The following LRP6 variants were observed in gnomAD, a reference collection of about 807,000 sequenced individuals.
The protein encoded by LRP6 is LDL receptor related protein 6.
LRP6 carries 43 observed loss-of-function variants against 184.1 expected under a neutral mutation model. The ratio of observed to expected loss-of-function variants is 0.23; its 90% CI spans 0.18 to 0.30. LRP6 has a LOEUF of 0.30. Ranked by LOEUF, LRP6 falls within the 10% of genes least tolerant of loss-of-function variation. The probability of loss-of-function intolerance (pLI) is 1.00; values close to 1 mark genes in which losing one functional copy is unlikely to be tolerated. For synonymous variants in LRP6, 719 were observed against 684.9 expected (o/e 1.05, Z -0.78); for missense variants, 1,571 against 2,005.3 (o/e 0.78, Z 4.14).
In LRP6 at chr12:12,267,039, G is replaced by C. The variant is rs765627073; in HGVS notation, c.-304C>G. ...GCCTCTGCCTCGCGCAGCGGCGCAG[G>C]GATACGGTCGGCACCGCCTCCTAGG... On this transcript the variant is annotated 5_prime_UTR_variant, in exon 1 of 23. Transcript: ENST00000261349. 4.5e-6 allele frequency: 2 copies of C among 440,198 alleles called. No homozygotes were observed. The highest frequency in any genetic ancestry group is 8.1e-6 in the Non-Finnish European group (2 of 248,102). The allele number at this position is 440,198 out of a possible 1,614,324, so 27.3% of individuals were successfully genotyped here.
At position 12,251,486 on chromosome 12, in the gene LRP6, C is replaced by T. The variant is rs568684280; in HGVS notation, c.56-6831G>A. Among the ~76,000 whole-genome samples, 20 of 152,224 alleles carry T rather than the reference C, an allele frequency of 1.3e-4. 1 individual carries two copies. In the South Asian group the frequency reaches 4.1e-3, roughly 32 times the overall value. ...TCATGCCATTCTCCTGCCTCAGCCT[C>T]CCGAGTAGCTGGGACTACAGGTGCC... is the stretch of plus-strand genomic sequence containing the variant. On this transcript the variant is annotated intron_variant, in intron 1 of 22. Coordinates refer to ENST00000261349, the MANE Select transcript of LRP6 (RefSeq NM_002336.3).
At chr12:12,232,238 G>A (rs959602088) in intron 2 of LRP6, among the ~76,000 whole-genome samples, 3 of 151,836 alleles carry the variant, frequency 2.0e-5, no homozygotes, top group Admixed American at 1.3e-4. Flanking sequence ...CAAAAAATTA[G>A]CCGGGCATGG....
At chr12:12,171,681 A>G (rs773087897) in intron 7 of LRP6, among the ~76,000 whole-genome samples, 6 of 152,240 alleles carry the variant, frequency 3.9e-5, no homozygotes, top group Non-Finnish European at 7.3e-5. Flanking sequence ...CTTTGCATCT[A>G]AACACACAGA....
At chr12:12,146,929 G>A (rs138265035) in intron 15 of LRP6, among the ~76,000 whole-genome samples, 1,783 of 152,244 alleles carry the variant, frequency 0.012, 40 homozygotes, top group African/African-American at 0.04. Context: ...GAGGCGGGTG[G>A]ATCACAAGGT....
At chr12:12,222,653 G>A (rs1864522607) in intron 2 of LRP6, among the ~76,000 whole-genome samples, 1 of 151,648 alleles carries the variant, frequency 6.6e-6, no homozygotes, top group African/African-American at 2.4e-5. Flanking sequence ...GCCTGAAACT[G>A]CAGAGTACCA....
intron 3 of LRP6, among the ~76,000 whole-genome samples, chr12:12,199,783 G>C: frequency 6.6e-6 from 1 of 151,594 alleles, no homozygotes; most frequent in Non-Finnish European, 1.5e-5. Context: ...GACCAACATG[G>C]TGAAATCCCG....
intron 3 of LRP6, among the ~76,000 whole-genome samples, chr12:12,200,909 T>C (rs1180622093): frequency 6.6e-6 from 1 of 152,238 alleles, no homozygotes; most frequent in Non-Finnish European, 1.5e-5. Context: ...TCTGTGGTCA[T>C]GTTTTTCTGG....
chr12:12,251,148 G>A (rs982455282), intron 1 of LRP6, among the ~76,000 whole-genome samples: 30 of 152,176 alleles, frequency 2.0e-4, no homozygotes, highest in African/African-American at 6.5e-4. Context: ...AGCCAGGCTG[G>A]TCTTAAACTG....
At chr12:12,197,996 T>C (rs994748745) in intron 3 of LRP6, among the ~76,000 whole-genome samples, 1 of 152,196 alleles carries the variant, frequency 6.6e-6, no homozygotes, top group Non-Finnish European at 1.5e-5. Context: ...AGTGAACAGA[T>C]TCTGCAACCT....
intron 2 of LRP6, among the ~76,000 whole-genome samples, chr12:12,203,637 G>A (rs951203670): frequency 9.9e-5 from 15 of 152,102 alleles, no homozygotes; most frequent in African/African-American, 3.6e-4. Context: ...TGGTGGTGGT[G>A]TGTGCCTGTA....
intron 7 of LRP6, among the ~76,000 whole-genome samples, chr12:12,168,424 G>A (rs929323549): frequency 2.6e-5 from 4 of 152,150 alleles, no homozygotes; most frequent in African/African-American, 9.7e-5. Flanking sequence ...GCAAAGCCAA[G>A]GATGCACACG....
At chr12:12,188,908 A>T (rs1863544525) in intron 3 of LRP6, among the ~76,000 whole-genome samples, 1 of 152,220 alleles carries the variant, frequency 6.6e-6, no homozygotes, top group African/African-American at 2.4e-5. Context: ...ACAGAGAGAG[A>T]ACTGAGAAAG....
At chr12:12,191,150 A>G (rs1863602325) in intron 3 of LRP6, among the ~76,000 whole-genome samples, 1 of 152,228 alleles carries the variant, frequency 6.6e-6, no homozygotes, top group African/African-American at 2.4e-5. Flanking sequence ...GGCCACTTCA[A>G]GAGTAAGTGA....
At position 12,159,029 on chromosome 12, in the gene LRP6, T is replaced by C. The variant is rs1253837272; in HGVS notation, c.2591A>G (p.Gln864Arg). The C allele has an allele frequency of 5.0e-6, 8 of 1,614,208 alleles. No individual in the cohort carries two copies. The highest frequency in any genetic ancestry group is 6.8e-6 in the Non-Finnish European group (8 of 1,180,044). The change falls in exon 12 of 23, where the codon CAA becomes CGA. Residue 864 changes from glutamine to arginine, a missense_variant. Around this residue, in one of 4 missense-constraint regions of LRP6, gnomAD observed 158 missense variants for 258.4 expected, o/e 0.61. Coordinates refer to ENST00000261349, the MANE Select transcript of LRP6 (RefSeq NM_002336.3). ...SIERANKTSG[Q>R]NRTIIQGHLD... ...ATGGCCCTGAATGATGGTGCGGTTT[T>C]GGCCACTGGTTTTGTTGGCACGCTC...
chr12:12,125,753 T>A (rs12424361), intron 20 of LRP6, among the ~76,000 whole-genome samples: 2 of 152,036 alleles, frequency 1.3e-5, no homozygotes, highest in South Asian at 4.2e-4. Context: ...TTGTAAAGGG[T>A]AGAGGTTGTG....
At chr12:12,222,170 C>G (rs1864506025) in intron 2 of LRP6, among the ~76,000 whole-genome samples, 1 of 152,284 alleles carries the variant, frequency 6.6e-6, no homozygotes, top group East Asian at 1.9e-4. Flanking sequence ...TAAAAATACA[C>G]ACATCTGTGA....
intron 2 of LRP6, among the ~76,000 whole-genome samples, chr12:12,227,935 G>T (rs1248780462): frequency 6.6e-6 from 1 of 152,168 alleles, no homozygotes; most frequent in East Asian, 1.9e-4. Flanking sequence ...GGCAAGAGGG[G>T]AGCCCTTTCT....
At chr12:12,263,997 G>A (rs758035454) in intron 1 of LRP6, among the ~76,000 whole-genome samples, 2 of 139,728 alleles carry the variant, frequency 1.4e-5, no homozygotes, top group African/African-American at 5.0e-5. Context: ...ACAAAAAATT[G>A]GGGGCATAGT....
At chr12:12,237,211 T>C (rs1004180797) in intron 2 of LRP6, among the ~76,000 whole-genome samples, 20 of 152,124 alleles carry the variant, frequency 1.3e-4, no homozygotes, top group African/African-American at 4.8e-4. Context: ...CTCAGGAAAT[T>C]ACAAGGGTTT....
Sources: gnomAD v4.1 joint callset for allele counts (sites outside exome capture counted in the v4.1 genomes callset) on GRCh38, gnomAD v4.1.1 for gene constraint, gnomAD v4.1.1 regional missense constraint, MANE v1.5 for transcripts, NCBI Gene and HGNC (gene_info 2026-07-23, HGNC 2026-07-21) for gene names.